The following NOX4 variants were observed in gnomAD, a reference collection of about 807,000 sequenced individuals.
NOX4 encodes NADPH oxidase 4, also known as kidney oxidase-1.
In NOX4, 69 loss-of-function variants were observed where a neutral mutation model predicts 87.6. That is an observed-to-expected ratio of 0.79 (90% confidence interval 0.65 to 0.96). NOX4 has a LOEUF of 0.96. Ranked by LOEUF, NOX4 falls within the 40% of genes least tolerant of loss-of-function variation. The pLI, the probability that NOX4 is intolerant of heterozygous loss-of-function variation, is 0.00. For synonymous variants in NOX4, 275 were observed against 238.2 expected (o/e 1.15, Z -1.42); for missense variants, 680 against 681.5 (o/e 1.00, Z 0.02).
At chr11:89,392,650 C>A (rs1484516897) in intron 11 of NOX4, among the ~76,000 whole-genome samples, 2 of 152,072 alleles carry the variant, frequency 1.3e-5, no homozygotes, top group African/African-American at 4.8e-5. Flanking sequence ...TTTTATACTG[C>A]TATCCCACTT....
chr11:89,427,821 C>A (rs1190274730), intron 7 of NOX4, among the ~76,000 whole-genome samples: 1 of 152,112 alleles, frequency 6.6e-6, no homozygotes, highest in Non-Finnish European at 1.5e-5. Context: ...GAGAACTTCC[C>A]CAACCTAGTA....
chr11:89,526,903 G>C, the NOX4 span, among the ~76,000 whole-genome samples: 11 of 152,196 alleles, frequency 7.2e-5, no homozygotes, highest in Non-Finnish European at 1.6e-4. Flanking sequence ...TTGGAAGTGT[G>C]TAACAGGCAG....
At chr11:89,527,884 G>A in the NOX4 span, among the ~76,000 whole-genome samples, 1 of 152,206 alleles carries the variant, frequency 6.6e-6, no homozygotes, top group Non-Finnish European at 1.5e-5. Context: ...GCTCTGAGAA[G>A]AGGACCATCA....
chr11:89,343,461 AT>A (rs879304108), intron 13 of NOX4, among the ~76,000 whole-genome samples: 254 of 143,380 alleles, frequency 1.8e-3, no homozygotes, highest in East Asian at 7.7e-3. Flanking sequence ...TTTTCATTTG[AT>A]TTTTTTTTTT....
chr11:89,451,984 C>T (rs1035248176), intron 2 of NOX4, 89 bp from the exon 3 acceptor site: 1 of 819,928 alleles, frequency 1.2e-6, no homozygotes, highest in Non-Finnish European at 2.0e-6. Flanking sequence ...CACCCTATTG[C>T]TCTTTTAAGA....
intron 15 of NOX4, among the ~76,000 whole-genome samples, chr11:89,339,411 T>C (rs1431140119): frequency 6.6e-6 from 1 of 152,156 alleles, no homozygotes; most frequent in African/African-American, 2.4e-5. Flanking sequence ...GTTACCTCTG[T>C]TTACATAGAT....
At chr11:89,341,630 C>T (rs1375914475) in intron 14 of NOX4, among the ~76,000 whole-genome samples, 1 of 152,108 alleles carries the variant, frequency 6.6e-6, no homozygotes, top group African/African-American at 2.4e-5. Context: ...TTTCTCATTG[C>T]TTTCTTTTTT....
At chr11:89,486,795 G>C (rs1299063526) in intron 2 of NOX4, among the ~76,000 whole-genome samples, 1 of 151,014 alleles carries the variant, frequency 6.6e-6, no homozygotes, top group Admixed American at 6.6e-5. Flanking sequence ...CAAACTCCTG[G>C]CTTCAAGCAA....
intron 11 of NOX4, among the ~76,000 whole-genome samples, chr11:89,375,174 ACTG>A (rs2135068215): frequency 6.6e-6 from 1 of 152,358 alleles, no homozygotes; most frequent in East Asian, 1.9e-4. Context: ...TAGGATTTTT[ACTG>A]CTAACAGTAG....
intron 11 of NOX4, among the ~76,000 whole-genome samples, chr11:89,399,498 C>G (rs989425497): frequency 8.3e-5 from 12 of 143,912 alleles, no homozygotes; most frequent in African/African-American, 3.1e-4. Context: ...AGGTCTCACT[C>G]TCTTGCTCAG....
At chr11:89,480,069 T>C (rs7939071) in intron 2 of NOX4, among the ~76,000 whole-genome samples, 1 of 152,032 alleles carries the variant, frequency 6.6e-6, no homozygotes, top group Admixed American at 6.6e-5. Context: ...CCACATTTGG[T>C]TGAAAACAAT....
chr11:89,556,400 G>A, the NOX4 span, among the ~76,000 whole-genome samples: 2 of 152,248 alleles, frequency 1.3e-5, no homozygotes, highest in South Asian at 4.1e-4. Flanking sequence ...GCATGTGCCT[G>A]TAATCTCAGC....
chr11:89,555,193 T>A, the NOX4 span, among the ~76,000 whole-genome samples: 4 of 142,072 alleles, frequency 2.8e-5, no homozygotes, highest in Non-Finnish European at 6.2e-5. Flanking sequence ...AAAAAAAAAA[T>A]GCTTTTAGTC....
At chr11:89,424,116 T>G (rs1022233463) in intron 7 of NOX4, among the ~76,000 whole-genome samples, 1 of 151,778 alleles carries the variant, frequency 6.6e-6, no homozygotes, top group East Asian at 1.9e-4. Context: ...TATATCTTTA[T>G]AGTACACAGT....
the NOX4 span, chr11:89,556,793 C>T: frequency 6.6e-6 from 1 of 152,246 alleles, no homozygotes; most frequent in African/African-American, 2.4e-5. Flanking sequence ...CAACTTCTAT[C>T]TCTGAGGGAT....
chr11:89,587,247 CT>C, the NOX4 span, among the ~76,000 whole-genome samples: 1,670 of 152,190 alleles, frequency 0.011, 24 homozygotes, highest in Non-Finnish European at 0.017. Context: ...ATAGAGGCAC[CT>C]CGATGGCTTA....
chr11:89,488,528 G>T (rs868398190), intron 2 of NOX4, among the ~76,000 whole-genome samples: 1 of 151,944 alleles, frequency 6.6e-6, no homozygotes, highest in South Asian at 2.1e-4. Flanking sequence ...TTAATGAGTT[G>T]GTTTCCAAAT....
Position 89,326,872 on chromosome 11 carries a change from T to G in NOX4, c.1621A>C (p.Thr541Pro). The part of the protein sequence containing the change: ...DEIAKYNRGK[T>P]VGVFCCGPNS... ...GGTCCACAACAGAAAACACCAACTGTTTTTCTAGAACAAGAGCAGAGAAAA... is the reference window on the plus strand; with the variant it reads ...GGTCCACAACAGAAAACACCAACTGGTTTTCTAGAACAAGAGCAGAGAAAA... Residue 541 changes from threonine to proline, a missense_variant, in exon 18 of 18, where the codon ACA (threonine) becomes CCA (proline). By Grantham distance (38) the Thr-to-Pro change is conservative. Coordinates refer to ENST00000263317, the MANE Select transcript of NOX4 (RefSeq NM_016931.5). 7 of 1,612,808 alleles carry G rather than the reference T, an allele frequency of 4.3e-6. No individual in the cohort carries two copies. Among genetic ancestry groups the G allele is most frequent in the Non-Finnish European group, 5.1e-6 (6 of 1,179,362 alleles).
the NOX4 span, chr11:89,545,675 A>G: frequency 6.6e-6 from 1 of 151,582 alleles, no homozygotes; most frequent in African/African-American, 2.4e-5. Flanking sequence ...TAGTTGGATA[A>G]ATACTCAAAT....
Sources: gnomAD v4.1 joint callset for allele counts (sites outside exome capture counted in the v4.1 genomes callset) on GRCh38, gnomAD v4.1.1 for gene constraint, MANE v1.5 for transcripts, NCBI Gene and HGNC (gene_info 2026-07-23, HGNC 2026-07-21) for gene names.